The following ADAMTS20 variants were observed in gnomAD, a reference collection of about 807,000 sequenced individuals.
ADAMTS20 encodes the protein ADAM metallopeptidase with thrombospondin type 1 motif 20.
A neutral mutation model predicts 260.1 loss-of-function variants in ADAMTS20; 225 were observed. The observed-to-expected ratio is 0.87, with a 90% CI of 0.78 to 0.97. The LOEUF (loss-of-function observed/expected upper bound fraction) is 0.97, where lower values mean the gene tolerates loss of function less well. Ranked by LOEUF, ADAMTS20 falls within the 50% of genes least tolerant of loss-of-function variation. The probability of loss-of-function intolerance (pLI) is 0.00; values close to 1 mark genes in which losing one functional copy is unlikely to be tolerated. For missense variants in ADAMTS20, 2,400 were observed against 2,337.7 expected, an observed-to-expected ratio of 1.03 and a Z score of -0.55; for synonymous variants, 802 against 769.5, an observed-to-expected ratio of 1.04 and a Z score of -0.70.
intron 4 of ADAMTS20, among the ~76,000 whole-genome samples, chr12:43,501,055 C>CTTTTTTT (rs79075751): frequency 0.11 from 11,642 of 104,202 alleles, 1,425 homozygotes; most frequent in Admixed American, 0.14. Context: ...CTATGTAATT[C>CTTTTTTT]TTTTTTTTTT....
intron 11 of ADAMTS20, 29 bp from the exon 12 acceptor site, chr12:43,454,081 T>C (rs1941921127): frequency 1.2e-6 from 2 of 1,603,392 alleles, no homozygotes; most frequent in East Asian, 4.5e-5. Context: ...CAAAAAGAAA[T>C]GATGTGTGTC....
chr12:43,490,356 C>T (rs1044528508), intron 7 of ADAMTS20, 39 bp downstream of exon 7: 37 of 1,034,512 alleles, frequency 3.6e-5, no homozygotes, highest in Non-Finnish European at 4.6e-5. Context: ...ATTCAATAAA[C>T]AATTACATAA....
chr12:43,508,145 G>T (rs1249948299), intron 3 of ADAMTS20, among the ~76,000 whole-genome samples: 1 of 151,664 alleles, frequency 6.6e-6, no homozygotes, highest in Non-Finnish European at 1.5e-5. Context: ...TAAAATAAAA[G>T]CTAAAAAATA....
chr12:43,458,359 C>G (rs1275897713), intron 11 of ADAMTS20, among the ~76,000 whole-genome samples: 1 of 152,186 alleles, frequency 6.6e-6, no homozygotes, highest in Non-Finnish European at 1.5e-5. Context: ...GTTGAAGGGT[C>G]CCAAGATATT....
Position 43,428,413 on chromosome 12 carries a change from C to T in ADAMTS20, c.3773G>A (p.Cys1258Tyr). Reference protein sequence around the residue: ...PEVRPLMEQECSLAACPPAHS... With the variant: ...PEVRPLMEQEYSLAACPPAHS... ...TGCAGGAGGGCAGGCTGCCAGGCTA[C>T]ATTCCTGTTCCATCAAAGGGCGAAC... The change falls in exon 26 of 39, where the codon TGT becomes TAT. Residue 1258 changes from cysteine to tyrosine, a missense_variant. Physicochemically the swap from Cys to Tyr is radical, Grantham distance 194. Transcript: ENST00000389420. 6.2e-7 allele frequency: 1 copy of T among 1,613,900 alleles called. No individual in the cohort carries two copies. Among genetic ancestry groups the T allele is most frequent in the Non-Finnish European group, 8.5e-7 (1 of 1,179,888 alleles).
At position 43,551,878 on chromosome 12, in the gene ADAMTS20, G is replaced by A; in HGVS notation, c.44C>T (p.Ser15Leu). Residue 15 changes from serine (S) to leucine (L), a missense_variant, in exon 1 of 39, where the codon TCG becomes TTG. By Grantham distance (145) the Ser-to-Leu change is moderately radical. Transcript: ENST00000389420. This position sits in a 1 kb window ranked among gnomAD's most constrained non-coding sequence, Gnocchi z 4.6. ...TTCCCAAGACCTGGTGATGAAGAGC[G>A]AGAGATGGTAGAGCAGCCCAGTCAG... ...KWLTGLLYHL[S>L]LFITRSWEVD... The A allele has an allele frequency of 6.2e-7, 1 of 1,613,736 alleles. No homozygotes were observed. Among genetic ancestry groups the A allele is most frequent in the Non-Finnish European group, 8.5e-7 (1 of 1,179,742 alleles).
chr12:43,450,477 T>C (rs1421659330), intron 14 of ADAMTS20, among the ~76,000 whole-genome samples: 5 of 152,188 alleles, frequency 3.3e-5, no homozygotes, highest in African/African-American at 1.2e-4. Context: ...CATTGTCATA[T>C]GACTTTATGC....
intron 7 of ADAMTS20, among the ~76,000 whole-genome samples, chr12:43,487,690 A>G (rs1048573788): frequency 1.3e-5 from 2 of 152,200 alleles, no homozygotes; most frequent in Admixed American, 6.5e-5. Context: ...ACCTAAACAG[A>G]CAGATAAATG....
intron 2 of ADAMTS20, among the ~76,000 whole-genome samples, chr12:43,534,695 A>G (rs1294720094): frequency 6.6e-6 from 1 of 152,176 alleles, no homozygotes; most frequent in South Asian, 2.1e-4. Flanking sequence ...AAAGAACTCC[A>G]ATGCATATCA....
chr12:43,409,580 C>T (rs1172446092), intron 28 of ADAMTS20, among the ~76,000 whole-genome samples: 4 of 100,726 alleles, frequency 4.0e-5, no homozygotes, highest in African/African-American at 9.0e-5. Flanking sequence ...CCAGCCTGGG[C>T]GACAGAGCGA....
chr12:43,397,718 A>G (rs757033033), intron 29 of ADAMTS20, among the ~76,000 whole-genome samples: 3 of 152,248 alleles, frequency 2.0e-5, no homozygotes, highest in Non-Finnish European at 2.9e-5. Context: ...TATTTGATGA[A>G]CATTCAATAT....
chr12:43,538,906 A>C (rs1262776877), intron 2 of ADAMTS20, among the ~76,000 whole-genome samples: 1 of 150,602 alleles, frequency 6.6e-6, no homozygotes. Flanking sequence ...GTTTTTTCTC[A>C]TCCTATATCC....
In ADAMTS20 at chr12:43,492,601, G is replaced by T. The variant is rs765209543; in HGVS notation, c.980C>A (p.Ala327Asp). ...TGAACAAAAGTTCTTTAATGTGGTA[G>T]CACCATCAAAATTAATGACTGGTCC... ...EEGPVINFDG[A>D]TTLKNFCSWQ... is the part of the protein sequence containing the mutation. The change falls in exon 6 of 39, where the codon GCT becomes GAT. Residue 327 changes from alanine (A) to aspartate (D), a missense_variant. Transcript: ENST00000389420. 6.2e-7 allele frequency: 1 copy of T among 1,613,710 alleles called. No homozygotes were observed.
chr12:43,423,446 A>T lies in ADAMTS20; in HGVS notation c.4284+2068T>A, dbSNP rs1426788845. The T allele has an allele frequency of 4.1e-5, 16 of 393,040 alleles. No homozygotes were observed. In the Admixed American group the frequency reaches 5.3e-4, roughly 13 times the overall value. The allele number at this position is 393,040 out of a possible 1,614,324, so 24.3% of individuals were successfully genotyped here. ...CTAAGTAAATGTTTAATGCTTGGTG[A>T]ATTGAAGTCATGAATGGGTAGGGAA... On this transcript the variant is annotated intron_variant, in intron 28 of 38. Transcript: ENST00000389420.
Position 43,444,251 on chromosome 12 carries a change from G to T in ADAMTS20, c.2198-368C>A, listed in dbSNP as rs1022522022. 2.0e-5 allele frequency among the ~76,000 whole-genome samples: 3 copies of T among 151,936 alleles called. No homozygotes were observed. In the South Asian group the frequency reaches 6.2e-4, roughly 32 times the overall value. On this transcript the variant is annotated intron_variant, in intron 15 of 38. Coordinates refer to ENST00000389420, the MANE Select transcript of ADAMTS20 (RefSeq NM_025003.5). ...ATTTTATACTGGGAAAAAAATAGAA[G>T]ATTTCAAATACAATTCACAAGTCCA...
At chr12:43,435,649 A>AC (rs1441013730) in intron 18 of ADAMTS20, among the ~76,000 whole-genome samples, 1 of 146,038 alleles carries the variant, frequency 6.8e-6, no homozygotes, top group Non-Finnish European at 1.5e-5. Context: ...TCTAAAAAAA[A>AC]AAAAAAAACA....
intron 28 of ADAMTS20, among the ~76,000 whole-genome samples, chr12:43,415,554 C>T (rs1221318624): frequency 6.6e-6 from 1 of 152,150 alleles, no homozygotes; most frequent in Non-Finnish European, 1.5e-5. Context: ...GCCTTTATGT[C>T]ACAGGCCCTA....
intron 6 of ADAMTS20, 125 bp downstream of exon 6, chr12:43,492,379 CA>C (rs370670627): frequency 5.7e-3 from 5,570 of 973,386 alleles, no homozygotes; most frequent in South Asian, 9.7e-3. Context: ...GACTCTGTCT[CA>C]AAAAAAAAAG....
intron 16 of ADAMTS20, among the ~76,000 whole-genome samples, chr12:43,441,749 G>C (rs1216136540): frequency 6.6e-6 from 1 of 152,140 alleles, no homozygotes; most frequent in East Asian, 1.9e-4. Flanking sequence ...AACCTTTCCA[G>C]AAAACATTTG....
Sources: allele counts gnomAD v4.1 joint callset (sites outside exome capture counted in the v4.1 genomes callset), GRCh38; gene constraint gnomAD v4.1.1; non-coding constraint Gnocchi (gnomAD v3.1); transcripts MANE v1.5; gene names NCBI Gene and HGNC (gene_info 2026-07-23, HGNC 2026-07-21).